The following SYNRG variants were observed in gnomAD, a reference collection of about 807,000 sequenced individuals.
The protein encoded by SYNRG is AP1 gamma subunit binding protein 1.
In SYNRG, 37 loss-of-function variants were observed where a neutral mutation model predicts 130.9. That is an observed-to-expected ratio of 0.28 (90% CI 0.22 to 0.37). The LOEUF is 0.37. SYNRG is among the 10% of genes least tolerant of loss of function. The probability of loss-of-function intolerance (pLI) is 1.00; values close to 1 mark genes in which losing one functional copy is unlikely to be tolerated. For synonymous variants in SYNRG, 539 were observed against 568.1 expected (o/e 0.95, Z 0.73); for missense variants, 1,338 against 1,588.9 (o/e 0.84, Z 2.68).
At position 37,544,378 on chromosome 17, in the gene SYNRG, G is replaced by A. The variant is rs192674119; in HGVS notation, c.2609-1813C>T. ...CACCCAGCCTGGAGTGCAATGGCGC[G>A]ATCTCGGCTCACTACAACCTCCGCC... On this transcript the variant is annotated intron_variant, in intron 14 of 21. Coordinates refer to ENST00000612223, the MANE Select transcript of SYNRG (RefSeq NM_007247.6). Among the ~76,000 whole-genome samples the A allele has an allele frequency of 9.9e-5, 15 of 151,614 alleles. No individual in the cohort carries two copies. In the East Asian group the frequency reaches 1.7e-3, roughly 18 times the overall value.
chr17:37,587,765 C>T (rs752748518), intron 3 of SYNRG, among the ~76,000 whole-genome samples: 8 of 152,168 alleles, frequency 5.3e-5, no homozygotes, highest in Non-Finnish European at 8.8e-5. Context: ...AGGTCTTTAG[C>T]CTCCTCATCA....
chr17:37,560,162 T>C (rs2059418980), intron 13 of SYNRG, among the ~76,000 whole-genome samples: 1 of 152,138 alleles, frequency 6.6e-6, no homozygotes, highest in African/African-American at 2.4e-5. Flanking sequence ...CCTCCCACTC[T>C]GGCCTCCCAA....
chr17:37,553,822 GAA>G lies in SYNRG; in HGVS notation c.1899_1900del (p.Ala635CysfsTer3). On this transcript the variant is annotated frameshift_variant, in exon 14 of 22. Coordinates refer to ENST00000612223, the MANE Select transcript of SYNRG (RefSeq NM_007247.6). LOFTEE classifies it high-confidence loss of function. ...TGATTTTGATGTGCTAAACACAGCT[GAA>G]AAAGACAATGGTTTCTCGCTGCTGC... The G allele has an allele frequency of 1.9e-6, 3 of 1,613,224 alleles. No individual in the cohort carries two copies. The highest frequency in any genetic ancestry group is 2.5e-6 in the Non-Finnish European group (3 of 1,179,826).
chr17:37,599,627 G>A (rs1217776585), intron 2 of SYNRG, among the ~76,000 whole-genome samples: 1 of 152,148 alleles, frequency 6.6e-6, no homozygotes, highest in Non-Finnish European at 1.5e-5. Context: ...AAGCTGAGGT[G>A]GGAGGAATGC....
At chr17:37,562,737 A>T (rs115693127) in intron 11 of SYNRG, among the ~76,000 whole-genome samples, 1,857 of 152,348 alleles carry the variant, frequency 0.012, 35 homozygotes, top group African/African-American at 0.042. Context: ...GAAATAAGTC[A>T]TCACCTATAC....
chr17:37,538,253 ATAAT>A, intron 18 of SYNRG, 67 bp downstream of exon 18: 2 of 1,200,866 alleles, frequency 1.7e-6, no homozygotes, highest in Non-Finnish European at 2.4e-6. Flanking sequence ...CTAGCTTAAA[ATAAT>A]TAAAGGGAAA....
At chr17:37,596,929 G>A (rs1342045552) in intron 2 of SYNRG, among the ~76,000 whole-genome samples, 1 of 152,110 alleles carries the variant, frequency 6.6e-6, no homozygotes, top group Non-Finnish European at 1.5e-5. Context: ...GTATTTTTTA[G>A]TAGAGATGGG....
intron 16 of SYNRG, 24 bp downstream of exon 16, chr17:37,540,356 C>T (rs1335132935): frequency 6.2e-7 from 1 of 1,611,502 alleles, no homozygotes; most frequent in Non-Finnish European, 8.5e-7. Context: ...GTTACCCACC[C>T]CTTGTAGAAA....
At chr17:37,601,629 CTCTCT>C (rs1296553544) in intron 1 of SYNRG, among the ~76,000 whole-genome samples, 5 of 152,156 alleles carry the variant, frequency 3.3e-5, no homozygotes, top group African/African-American at 9.6e-5. Flanking sequence ...CGTAAGAAAG[CTCTCT>C]TCTAAGGTTT....
intron 19 of SYNRG, among the ~76,000 whole-genome samples, chr17:37,526,115 AGAG>A (rs1175858603): frequency 6.6e-6 from 1 of 152,162 alleles, no homozygotes; most frequent in Non-Finnish European, 1.5e-5. Flanking sequence ...CCTGGGCAAC[AGAG>A]GAAGATGCCA....
At chr17:37,596,418 G>A (rs1423466874) in intron 2 of SYNRG, 74 bp from the exon 3 acceptor site, 2 of 1,544,042 alleles carry the variant, frequency 1.3e-6, no homozygotes, top group African/African-American at 2.7e-5. Flanking sequence ...GTACCTAAAG[G>A]ACTTGTTACT....
intron 3 of SYNRG, among the ~76,000 whole-genome samples, chr17:37,595,747 T>A (rs906140679): frequency 6.6e-6 from 1 of 150,876 alleles, no homozygotes; most frequent in Non-Finnish European, 1.5e-5. Flanking sequence ...AACCTTTTTT[T>A]CCTCTGGCCT....
chr17:37,575,729 C>T (rs1484214565), intron 8 of SYNRG, among the ~76,000 whole-genome samples: 2 of 151,038 alleles, frequency 1.3e-5, no homozygotes, highest in Non-Finnish European at 1.5e-5. Flanking sequence ...GTAGTCCCAG[C>T]TACTTGAGAG....
At chr17:37,559,775 A>G (rs1203823797) in intron 13 of SYNRG, among the ~76,000 whole-genome samples, 9 of 152,160 alleles carry the variant, frequency 5.9e-5, no homozygotes, top group Non-Finnish European at 5.9e-5. Flanking sequence ...GAGTATTAGC[A>G]GTACATTGTT....
intron 11 of SYNRG, among the ~76,000 whole-genome samples, chr17:37,563,121 A>C (rs572889692): frequency 5.9e-5 from 9 of 152,244 alleles, no homozygotes; most frequent in Non-Finnish European, 1.2e-4. Flanking sequence ...TGAATATTTC[A>C]TTCCAGTTCT....
At chr17:37,593,045 G>C (rs2062345651) in intron 3 of SYNRG, among the ~76,000 whole-genome samples, 1 of 152,146 alleles carries the variant, frequency 6.6e-6, no homozygotes, top group Non-Finnish European at 1.5e-5. Context: ...TGTACATCAT[G>C]AGGAGTGTTT....
chr17:37,533,926 CTTT>C (rs765621244), intron 19 of SYNRG, among the ~76,000 whole-genome samples: 26 of 57,806 alleles, frequency 4.5e-4, no homozygotes, highest in South Asian at 2.5e-3. Context: ...ATTTTCTTTT[CTTT>C]TTTTTTTTTT....
chr17:37,581,765 C>CTTTTTTTTTT (rs398041650), intron 6 of SYNRG, among the ~76,000 whole-genome samples: 7 of 105,306 alleles, frequency 6.6e-5, no homozygotes, highest in Non-Finnish European at 1.4e-4. Flanking sequence ...CATTTTTTTT[C>CTTTTTTTTTT]TTTTTTTTTT....
rs975091346 is a variant in SYNRG at position 37,555,095 on chromosome 17, C to G, written c.1664-1036G>C. Among the ~76,000 whole-genome samples, 9 of 151,824 alleles carry G rather than the reference C, an allele frequency of 5.9e-5. No individual in the cohort carries two copies. The East Asian group carries it at 1.2e-3, about 19-fold the overall frequency. On this transcript the variant is annotated intron_variant, in intron 13 of 21. Coordinates refer to ENST00000612223, the MANE Select transcript of SYNRG (RefSeq NM_007247.6). The stretch of plus-strand genomic sequence containing the variant: ...TACTTCTCATAAATAATTAAACAGA[C>G]TCAGTTAAGACATTGATAAAAATTT...
Sources: allele counts gnomAD v4.1 joint callset (sites outside exome capture counted in the v4.1 genomes callset), GRCh38; gene constraint gnomAD v4.1.1; transcripts MANE v1.5; gene names NCBI Gene and HGNC (gene_info 2026-07-23, HGNC 2026-07-21).